The following DIP2A variants were observed in gnomAD, a reference collection of about 807,000 sequenced individuals.
DIP2A encodes the protein DIP2 acetate--CoA ligase A, also known as disco-interacting protein 2 homolog A.
In DIP2A, 85 loss-of-function variants were observed where a neutral mutation model predicts 177.4. That is an observed-to-expected ratio of 0.48 (90% CI 0.40 to 0.57). The LOEUF is 0.57. Among genes scored for constraint, DIP2A ranks in the 20% least tolerant of loss-of-function variants. The probability of loss-of-function intolerance (pLI) is 0.00; values close to 1 mark genes in which losing one functional copy is unlikely to be tolerated. For missense variants in DIP2A, 1,791 were observed against 2,100.2 expected (o/e 0.85, Z 2.88); for synonymous variants, 886 against 881.8 (o/e 1.00, Z -0.08).
At chr21:46,528,773 C>T (rs1026359944) in intron 8 of DIP2A, among the ~76,000 whole-genome samples, 10 of 151,826 alleles carry the variant, frequency 6.6e-5, no homozygotes, top group Non-Finnish European at 2.9e-5. Flanking sequence ...AGTGATCTGC[C>T]TGCCTCGTCC....
chr21:46,529,360 G>T (rs2059257803), intron 9 of DIP2A, among the ~76,000 whole-genome samples, 177 bp downstream of exon 9: 1 of 152,188 alleles, frequency 6.6e-6, no homozygotes. Flanking sequence ...AGCACTTTGG[G>T]AGGCTGTGGT....
chr21:46,554,761 C>T (rs1027640387), intron 27 of DIP2A, 61 bp from the exon 28 acceptor site: 5 of 1,544,800 alleles, frequency 3.2e-6, no homozygotes, highest in Non-Finnish European at 4.4e-6. Flanking sequence ...CCCTCCGCTG[C>T]CCCCTTTTCT....
At chr21:46,576,105 G>A in the DIP2A span, among the ~76,000 whole-genome samples, 1 of 152,194 alleles carries the variant, frequency 6.6e-6, no homozygotes, top group African/African-American at 2.4e-5. Flanking sequence ...CAGACTGAAA[G>A]CAAGTGACCC....
intron 1 of DIP2A, among the ~76,000 whole-genome samples, chr21:46,471,599 TA>T (rs1025441748): frequency 6.6e-6 from 1 of 152,238 alleles, no homozygotes; most frequent in African/African-American, 2.4e-5. Context: ...TAGGAAGTTA[TA>T]CACTGCTTAG....
At chr21:46,513,332 G>A (rs1019659765) in intron 8 of DIP2A, among the ~76,000 whole-genome samples, 2 of 152,172 alleles carry the variant, frequency 1.3e-5, no homozygotes, top group African/African-American at 4.8e-5. Context: ...GTATCTAACT[G>A]ACTCAGTATC....
chr21:46,561,864 TCAC>T, intron 34 of DIP2A, 59 bp downstream of exon 34: 16 of 1,606,914 alleles, frequency 1.0e-5, no homozygotes, highest in Non-Finnish European at 1.4e-5. Flanking sequence ...GTCTGAAGCA[TCAC>T]CCCGTGGAGG....
Position 46,532,132 on chromosome 21 carries a change from G to A in DIP2A, c.1200G>A (p.Ala400=), listed in dbSNP as rs368091015. 3.5e-5 allele frequency: 56 copies of A among 1,613,230 alleles called. No homozygotes were observed. The highest frequency in any genetic ancestry group is 4.5e-5 in the Non-Finnish European group (53 of 1,179,482). The change falls in exon 10 of 38, where the codon GCG becomes GCA. Residue 400 remains alanine, a synonymous_variant. Transcript: ENST00000417564. ...EPLLKPGDRV[A]LVFPNSDPVM... ...ATTTCTTTGTCCTGTTGTAGGTGGC[G>A]CTCGTGTTTCCGAATAGTGACCCTG...
Position 46,495,715 on chromosome 21 carries a change from C to T in DIP2A, c.284-1273C>T, listed in dbSNP as rs186253180. Among the ~76,000 whole-genome samples the T allele has an allele frequency of 1.9e-3, 289 of 152,232 alleles. 2 individuals are homozygous for T. Among genetic ancestry groups the T allele is most frequent in the African/African-American group, 6.7e-3 (279 of 41,528 alleles). ...TTGGAACTCCTGGGCTCAAGTGATC[C>T]TCCAGCTTCAGCTTCCTGAGTAGCT... On this transcript the variant is annotated intron_variant, in intron 3 of 37. Transcript: ENST00000417564.
intron 5 of DIP2A, among the ~76,000 whole-genome samples, chr21:46,502,332 A>G (rs748263337): frequency 5.5e-5 from 8 of 146,708 alleles, no homozygotes; most frequent in African/African-American, 1.5e-4. Flanking sequence ...GGAGCTCACT[A>G]TGTTGCCCAG....
At chr21:46,481,839 T>G (rs1157348395) in intron 1 of DIP2A, among the ~76,000 whole-genome samples, 1 of 152,098 alleles carries the variant, frequency 6.6e-6, no homozygotes, top group Non-Finnish European at 1.5e-5. Context: ...TCACTTGAGG[T>G]CAGGAGTTCT....
intron 21 of DIP2A, among the ~76,000 whole-genome samples, chr21:46,547,656 CTTTTTTTTTT>C (rs10672432): frequency 2.6e-5 from 2 of 76,392 alleles, no homozygotes; most frequent in South Asian, 6.8e-4. Context: ...AAGGGGGTGC[CTTTTTTTTTT>C]TTTTTTTTTT....
intron 18 of DIP2A, among the ~76,000 whole-genome samples, chr21:46,543,757 G>A (rs961691677): frequency 6.6e-6 from 1 of 152,176 alleles, no homozygotes; most frequent in East Asian, 1.9e-4. Flanking sequence ...CCCCATCTCT[G>A]CATGTGCTTG....
chr21:46,581,819 T>C, the DIP2A span, among the ~76,000 whole-genome samples: 1 of 152,166 alleles, frequency 6.6e-6, no homozygotes, highest in Non-Finnish European at 1.5e-5. Context: ...ATCCTTCCTC[T>C]GGGAGCTCAA....
intron 25 of DIP2A, 56 bp from the exon 26 acceptor site, chr21:46,554,113 G>T (rs1036973742): frequency 6.4e-7 from 1 of 1,569,060 alleles, no homozygotes; most frequent in Admixed American, 1.8e-5. Context: ...GCAGATCTGC[G>T]AACAGCCCAC....
intron 1 of DIP2A, among the ~76,000 whole-genome samples, chr21:46,467,365 T>C (rs1170625298): frequency 6.6e-6 from 1 of 151,996 alleles, no homozygotes; most frequent in East Asian, 1.9e-4. Flanking sequence ...TTTTGTTTGT[T>C]TGTTTGTTTG....
chr21:46,508,309 G>A (rs2058121769), intron 6 of DIP2A, among the ~76,000 whole-genome samples: 1 of 150,748 alleles, frequency 6.6e-6, no homozygotes, highest in Non-Finnish European at 1.5e-5. Flanking sequence ...TAACCAAAGT[G>A]CTGGGATTAC....
intron 23 of DIP2A, among the ~76,000 whole-genome samples, chr21:46,551,117 T>A (rs1030526161): frequency 1.3e-5 from 2 of 152,220 alleles, no homozygotes; most frequent in East Asian, 3.8e-4. Flanking sequence ...TCACCCAGTG[T>A]CTGTGTGGCC....
At chr21:46,516,237 T>C (rs1399027284) in intron 8 of DIP2A, among the ~76,000 whole-genome samples, 1 of 152,152 alleles carries the variant, frequency 6.6e-6, no homozygotes, top group Non-Finnish European at 1.5e-5. Context: ...TCCACAGGGC[T>C]TCTTGAATCT....
rs2059623036 is a variant in DIP2A, at chr21:46,537,472, C to A, written c.1734C>A (p.Val578=). Residue 578 remains valine, a synonymous_variant, in exon 15 of 38, where the codon GTC becomes GTA. Coordinates refer to ENST00000417564, the MANE Select transcript of DIP2A (RefSeq NM_015151.4). The surrounding 1 kb of genome is among the most constrained non-coding windows in gnomAD (Gnocchi z 4.1). ...LTSVMNRMHV[V]SVPYALMKAN... ...GCGTCATGAACAGGATGCACGTGGT[C>A]AGCGTCCCCTACGCGCTGATGAAGG... 6.2e-7 allele frequency: 1 copy of A among 1,614,206 alleles called. No individual in the cohort carries two copies. The highest frequency in any genetic ancestry group is 8.5e-7 in the Non-Finnish European group (1 of 1,180,042).
Sources: gnomAD v4.1 joint callset for allele counts (sites outside exome capture counted in the v4.1 genomes callset) on GRCh38, gnomAD v4.1.1 for gene constraint, Gnocchi (gnomAD v3.1) non-coding constraint, MANE v1.5 for transcripts, NCBI Gene and HGNC (gene_info 2026-07-23, HGNC 2026-07-21) for gene names.